The following KIF7 variants were observed in gnomAD, a reference collection of about 807,000 sequenced individuals.
KIF7 encodes the protein kinesin family member 7, also known as kinesin-like protein KIF7.
KIF7 carries 104 observed loss-of-function variants against 135.7 expected under a neutral mutation model. That is an observed-to-expected ratio of 0.77 (90% CI 0.65 to 0.90). The LOEUF (loss-of-function observed/expected upper bound fraction) is 0.90. Among genes scored for constraint, KIF7 ranks in the 40% least tolerant of loss-of-function variants. The probability of loss-of-function intolerance (pLI) is 0.00; values close to 1 mark genes in which losing one functional copy is unlikely to be tolerated. For missense variants in KIF7, 2,005 were observed against 1,839.1 expected (o/e 1.09, Z -1.65); for synonymous variants, 883 against 809.4 (o/e 1.09, Z -1.54).
chr15:89,658,446 C>CAGAG (rs142155148), upstream of KIF7, among the ~76,000 whole-genome samples: 3 of 144,222 alleles, frequency 2.1e-5, no homozygotes, highest in Admixed American at 1.4e-4. Context: ...ACCCCATCTC[C>CAGAG]AGAGAGAGAG....
chr15:89,638,250 C>T, intron 11 of KIF7, among the ~76,000 whole-genome samples: 1 of 109,034 alleles, frequency 9.2e-6, no homozygotes, highest in Non-Finnish European at 2.1e-5. Flanking sequence ...GACAGGGATG[C>T]CCTCTCTCAC....
At chr15:89,631,426 G>T (rs1963672537) in intron 15 of KIF7, 69 bp downstream of exon 15, 1 of 1,385,716 alleles carries the variant, frequency 7.2e-7, no homozygotes, top group Non-Finnish European at 9.9e-7. Flanking sequence ...GCTGGAGCAA[G>T]GGCTGAGGAG....
chr15:89,648,101 G>A (rs1482534222), intron 5 of KIF7, among the ~76,000 whole-genome samples, 154 bp downstream of exon 5: 1 of 152,126 alleles, frequency 6.6e-6, no homozygotes, highest in Admixed American at 6.5e-5. Flanking sequence ...AGTTAAGGAA[G>A]TGACCACGGT....
In KIF7 at chr15:89,642,215, C is replaced by T. The variant is rs780353194; in HGVS notation, c.2382G>A (p.Gln794=). 1 of 1,610,438 alleles carries T rather than the reference C, an allele frequency of 6.2e-7. No homozygotes were observed. Among genetic ancestry groups the T allele is most frequent in the East Asian group, 2.2e-5 (1 of 44,854 alleles). Residue 794 remains glutamine, a synonymous_variant, in exon 11 of 19, where the codon CAG becomes CAA. Coordinates refer to ENST00000394412, the MANE Select transcript of KIF7 (RefSeq NM_198525.3). ...CCCCGAGACTAACCTGCACCTGGCT[C>T]TGGGCCGCAGCGACCCTCCTGCGGA... ...QEFRRRVAAA[Q]SQVQVLKEKK...
chr15:89,645,449 T>C lies in KIF7; in HGVS notation c.1925A>G (p.Asn642Ser), dbSNP rs374723046. 145 of 1,610,492 alleles carry C rather than the reference T, an allele frequency of 9.0e-5. No homozygotes were observed. The highest frequency in any genetic ancestry group is 1.2e-4 in the Non-Finnish European group (138 of 1,177,946). The change falls in exon 9 of 19, where the codon AAT becomes AGT. Residue 642 changes from asparagine (N) to serine (S), a missense_variant and splice_region_variant. Coordinates refer to ENST00000394412, the MANE Select transcript of KIF7 (RefSeq NM_198525.3). ...CCTCTGACTGCAGTTGCTGATCCTA[T>C]TTCTGGAGGACAGAAGCAGGAGGCC... ...PPRRTLHLRR[N>S]RISNCSQRAG...
chr15:89,633,630 C>A (rs866421858), intron 12 of KIF7, 56 bp downstream of exon 12: 2 of 1,571,232 alleles, frequency 1.3e-6, no homozygotes, highest in South Asian at 1.1e-5. Context: ...CTGGCTGGGC[C>A]GCCAGCTCAG....
chr15:89,648,497 C>A lies in KIF7; in HGVS notation c.1201G>T (p.Ala401Ser). ...CACTCGGCGCCCAGGCGCATGGCGG[C>A]CGCCGCGGAGGCGGTGGCTGGGCCT... ...APGPATASAA[A>S]AMRLGAECAR... Residue 401 changes from alanine (A) to serine (S), a missense_variant, in exon 5 of 19, where the codon GCC (alanine) becomes TCC (serine). Ala to Ser is a moderately conservative substitution (Grantham distance 99). Coordinates refer to ENST00000394412, the MANE Select transcript of KIF7 (RefSeq NM_198525.3). 1 of 1,042,976 alleles carries A rather than the reference C, an allele frequency of 9.6e-7. No individual in the cohort carries two copies. The highest frequency in any genetic ancestry group is 1.2e-6 in the Non-Finnish European group (1 of 866,728). The allele number at this position is 1,042,976 out of a possible 1,614,324, so 64.6% of individuals were successfully genotyped here. A position where few individuals can be genotyped will look rare whatever the true frequency, so the allele number is the denominator to read the frequency against.
chr15:89,632,763 GCTGGACCTCACTTCA>G (rs753402060), intron 14 of KIF7, 42 bp downstream of exon 14: 21 of 1,554,654 alleles, frequency 1.4e-5, no homozygotes, highest in African/African-American at 5.4e-5. Context: ...ATCTGTCCTG[GCTGGACCTCACTTCA>G]CTGGACCTCA....
At chr15:89,619,178 C>T (rs191213144) in intron 1 of KIF7, among the ~76,000 whole-genome samples, 351 of 150,882 alleles carry the variant, frequency 2.3e-3, no homozygotes, top group African/African-American at 7.9e-3. Context: ...CATATACATA[C>T]GAAACCTAAC....
At chr15:89,640,592 T>C (rs2142014173) in intron 11 of KIF7, among the ~76,000 whole-genome samples, 1 of 151,916 alleles carries the variant, frequency 6.6e-6, no homozygotes, top group African/African-American at 2.4e-5. Context: ...CTTGGACATT[T>C]GAACTGAGAA....
intron 1 of KIF7, among the ~76,000 whole-genome samples, chr15:89,620,112 C>A (rs934012602): frequency 6.6e-6 from 1 of 152,230 alleles, no homozygotes; most frequent in African/African-American, 2.4e-5. Flanking sequence ...CCCATAAGGA[C>A]AGAACCTACA....
downstream of KIF7, chr15:89,625,166 C>T (rs1963496555): frequency 1.9e-6 from 3 of 1,613,686 alleles, no homozygotes; most frequent in Non-Finnish European, 2.5e-6. Context: ...AAACCTGAAC[C>T]CACCTATGTG....
Position 89,632,977 on chromosome 15 carries a change from T to C in KIF7, c.2738A>G (p.Lys913Arg), listed in dbSNP as rs776064132. 12 of 1,560,996 alleles carry C rather than the reference T, an allele frequency of 7.7e-6. No homozygotes were observed. The African/African-American group carries it at 1.1e-4, about 15-fold the overall frequency. The change falls in exon 14 of 19, where the codon AAG (lysine) becomes AGG (arginine). Residue 913 changes from lysine to arginine, a missense_variant. Lys to Arg is a conservative substitution (Grantham distance 26). Coordinates refer to ENST00000394412, the MANE Select transcript of KIF7 (RefSeq NM_198525.3). ...EQQQKIEEQK[K>R]WLDQEMEKVL... ...CTTCTCCATCTCCTGGTCCAGCCACTTCTTCTGCTCCTCAATCTTCTAAGG... is the reference window on the plus strand; with the variant it reads ...CTTCTCCATCTCCTGGTCCAGCCACCTCTTCTGCTCCTCAATCTTCTAAGG...
At chr15:89,632,159 G>A (rs1474013877) in intron 14 of KIF7, among the ~76,000 whole-genome samples, 1 of 152,212 alleles carries the variant, frequency 6.6e-6, no homozygotes, top group African/African-American at 2.4e-5. Context: ...ACATCAGAGT[G>A]ATGCGTGCTG....
the KIF7 span, among the ~76,000 whole-genome samples, chr15:89,661,073 CA>C: frequency 6.6e-3 from 1,006 of 152,238 alleles, 8 homozygotes; most frequent in African/African-American, 0.023. Context: ...TGTTGTAAGC[CA>C]CAGTCTTAGG....
chr15:89,656,544 G>A (rs1964209352), upstream of KIF7, among the ~76,000 whole-genome samples: 1 of 152,112 alleles, frequency 6.6e-6, no homozygotes, highest in Non-Finnish European at 1.5e-5. Flanking sequence ...GAACTACCAT[G>A]ATTGGCTTGC....
chr15:89,659,610 T>C (rs1054130564), upstream of KIF7, among the ~76,000 whole-genome samples: 7 of 152,268 alleles, frequency 4.6e-5, no homozygotes, highest in African/African-American at 1.7e-4. Flanking sequence ...AAATAAACAA[T>C]GTTCAATATC....
upstream of KIF7, among the ~76,000 whole-genome samples, chr15:89,659,972 G>A (rs2141515098): frequency 6.6e-6 from 1 of 152,346 alleles, no homozygotes; most frequent in African/African-American, 2.4e-5. Flanking sequence ...CGAGGTGGGT[G>A]GATCACTTGA....
In KIF7 at chr15:89,645,217, C is replaced by G. The variant is rs775480862; in HGVS notation, c.2039-52G>C. The stretch of plus-strand genomic sequence containing the variant: ...CTGCCCCAACTGACAGTGGGGGAGA[C>G]AGAGGAGTGGAGAGCAGGGGCTGCC... On this transcript the variant is annotated intron_variant, in intron 9 of 18. Transcript: ENST00000394412. The G allele has an allele frequency of 2.2e-5, 36 of 1,606,076 alleles. 1 individual carries two copies. The South Asian group carries it at 3.6e-4, about 16-fold the overall frequency.
Sources: gnomAD v4.1 joint callset for allele counts (sites outside exome capture counted in the v4.1 genomes callset) on GRCh38, gnomAD v4.1.1 for gene constraint, MANE v1.5 for transcripts, NCBI Gene and HGNC (gene_info 2026-07-23, HGNC 2026-07-21) for gene names.